Variants in CACNA2D3 observed in about 807,000 individuals in gnomAD.
The protein encoded by CACNA2D3 is voltage-dependent calcium channel subunit alpha-2/delta-3.
A neutral mutation model predicts 160.6 loss-of-function variants in CACNA2D3; 60 were observed. The observed-to-expected ratio is 0.37, with a 90% CI of 0.30 to 0.46. The LOEUF is 0.46. Among genes scored for constraint, CACNA2D3 ranks in the 20% least tolerant of loss-of-function variants. The pLI, the probability that CACNA2D3 is intolerant of heterozygous loss-of-function variation, is 1.00. For synonymous variants in CACNA2D3, 558 were observed against 492.9 expected (o/e 1.13, Z -1.75); for missense variants, 1,205 against 1,365.0 (o/e 0.88, Z 1.85).
At chr3:54,733,925 T>A (rs1366302012) in intron 11 of CACNA2D3, among the ~76,000 whole-genome samples, 1 of 151,728 alleles carries the variant, frequency 6.6e-6, no homozygotes, top group East Asian at 1.9e-4. Flanking sequence ...CTGCACAAAG[T>A]ACAAAGAACT....
At chr3:54,371,428 T>G (rs2107549215) in intron 3 of CACNA2D3, among the ~76,000 whole-genome samples, 1 of 152,342 alleles carries the variant, frequency 6.6e-6, no homozygotes, top group Non-Finnish European at 1.5e-5. Context: ...TTGTTACTTT[T>G]TTCTAACAAC....
At chr3:55,058,435 C>G (rs73845261) in intron 35 of CACNA2D3, among the ~76,000 whole-genome samples, 5,885 of 151,946 alleles carry the variant, frequency 0.039, 391 homozygotes, top group African/African-American at 0.13. Context: ...AGAACCCACC[C>G]CAAGGATATA....
At chr3:54,714,053 C>T (rs139029480) in intron 11 of CACNA2D3, among the ~76,000 whole-genome samples, 2 of 152,144 alleles carry the variant, frequency 1.3e-5, no homozygotes, top group African/African-American at 2.4e-5. Flanking sequence ...CAGCAGAAAG[C>T]TGGGATTTCT....
At chr3:54,736,535 A>G (rs1163831656) in intron 11 of CACNA2D3, among the ~76,000 whole-genome samples, 2 of 152,146 alleles carry the variant, frequency 1.3e-5, no homozygotes, top group Non-Finnish European at 2.9e-5. Context: ...TTACATTTCC[A>G]CCAGCCGAAA....
chr3:55,072,905 T>C (rs1030208383), intron 35 of CACNA2D3, among the ~76,000 whole-genome samples: 1 of 152,188 alleles, frequency 6.6e-6, no homozygotes, highest in Non-Finnish European at 1.5e-5. Context: ...CATAAATGAC[T>C]AGCATTAATC....
At chr3:54,238,835 C>T (rs1345013936) in intron 2 of CACNA2D3, among the ~76,000 whole-genome samples, 3 of 152,204 alleles carry the variant, frequency 2.0e-5, no homozygotes, top group East Asian at 1.9e-4. Context: ...TCTCTTTCCT[C>T]CTGTGGGTCA....
At chr3:54,646,103 T>TTTCCTTCC (rs1347409828) in intron 11 of CACNA2D3, among the ~76,000 whole-genome samples, 5 of 135,224 alleles carry the variant, frequency 3.7e-5, no homozygotes, top group African/African-American at 1.3e-4. Flanking sequence ...GTGGGCAGGT[T>TTTCCTTCC]TTCCTTCCTT....
intron 13 of CACNA2D3, among the ~76,000 whole-genome samples, chr3:54,767,985 G>A (rs1450728948): frequency 2.0e-5 from 3 of 152,288 alleles, no homozygotes; most frequent in Admixed American, 6.5e-5. Flanking sequence ...ATGGAGTGCT[G>A]ACTGGCAAAT....
intron 2 of CACNA2D3, among the ~76,000 whole-genome samples, chr3:54,170,852 C>G (rs1700548851): frequency 6.6e-6 from 1 of 152,020 alleles, no homozygotes; most frequent in Non-Finnish European, 1.5e-5. Context: ...TTTTGCCATG[C>G]CAATAGATTC....
At chr3:54,405,077 A>G (rs1232934316) in intron 4 of CACNA2D3, among the ~76,000 whole-genome samples, 2 of 148,884 alleles carry the variant, frequency 1.3e-5, no homozygotes, top group South Asian at 4.2e-4. Flanking sequence ...TAAAATGTCT[A>G]TACTATACTA....
At position 54,903,498 on chromosome 3, in the gene CACNA2D3, A is replaced by G. The variant is rs551989531; in HGVS notation, c.2449+3630A>G. On this transcript the variant is annotated intron_variant, in intron 27 of 37. Coordinates refer to ENST00000474759, the MANE Select transcript of CACNA2D3 (RefSeq NM_018398.3). The stretch of plus-strand genomic sequence containing the variant: ...TTGATTCCATGTCTTTGCTATTGTG[A>G]ATAGTGCTGCAGAAAACATACACTT... 5.8e-4 allele frequency among the ~76,000 whole-genome samples: 88 copies of G among 152,248 alleles called. 3 individuals carry two copies. In the South Asian group the frequency reaches 0.018, roughly 31 times the overall value.
chr3:54,832,274 T>C (rs1207934248), intron 14 of CACNA2D3, among the ~76,000 whole-genome samples: 1 of 152,078 alleles, frequency 6.6e-6, no homozygotes. Flanking sequence ...TCGCGCAGAG[T>C]GTGTGTGTGC....
intron 27 of CACNA2D3, among the ~76,000 whole-genome samples, chr3:54,908,190 C>T (rs930189913): frequency 5.3e-5 from 8 of 152,200 alleles, no homozygotes; most frequent in African/African-American, 1.9e-4. Flanking sequence ...ATGAACATTC[C>T]AATTTTTCTA....
chr3:55,004,657 C>A, intron 31 of CACNA2D3, 106 bp from the exon 32 acceptor site: 1 of 722,218 alleles, frequency 1.4e-6, no homozygotes. Flanking sequence ...TGGTGTTTGT[C>A]ACCGTTGCAC....
chr3:55,073,422 C>G, intron 35 of CACNA2D3, 23 bp from the exon 36 acceptor site: 1 of 1,569,182 alleles, frequency 6.4e-7, no homozygotes, highest in Non-Finnish European at 8.8e-7. Context: ...AAATGACTGC[C>G]TCGCTACCTC....
chr3:54,736,079 ATATGTATGTG>A (rs1166604567), intron 11 of CACNA2D3, among the ~76,000 whole-genome samples: 1 of 26,712 alleles, frequency 3.7e-5, no homozygotes, highest in Non-Finnish European at 1.1e-4. Context: ...ATATACATAT[ATATGTATGTG>A]TATATATATA....
At chr3:54,633,376 AATAAAG>A (rs1402548466) in intron 10 of CACNA2D3, among the ~76,000 whole-genome samples, 1 of 152,148 alleles carries the variant, frequency 6.6e-6, no homozygotes, top group Non-Finnish European at 1.5e-5. Context: ...CTACCTGTAA[AATAAAG>A]ATAATGATAG....
At chr3:54,816,474 A>T (rs1320996790) in intron 13 of CACNA2D3, among the ~76,000 whole-genome samples, 1 of 152,092 alleles carries the variant, frequency 6.6e-6, no homozygotes, top group African/African-American at 2.4e-5. Flanking sequence ...ATGTCTCCAG[A>T]TGGCCCTCAT....
chr3:54,250,243 T>C (rs1369048821), intron 2 of CACNA2D3, among the ~76,000 whole-genome samples: 2 of 152,178 alleles, frequency 1.3e-5, no homozygotes, highest in Non-Finnish European at 2.9e-5. Context: ...GAACTATAAA[T>C]CTGGCAATGT....
Sources: allele counts gnomAD v4.1 joint callset (sites outside exome capture counted in the v4.1 genomes callset), GRCh38; gene constraint gnomAD v4.1.1; transcripts MANE v1.5; gene names NCBI Gene and HGNC (gene_info 2026-07-23, HGNC 2026-07-21).